The following NALF1 variants were observed in gnomAD, a reference collection of about 807,000 sequenced individuals.
The protein encoded by NALF1 is family with sequence similarity 155 member A.
In NALF1, 3 loss-of-function variants were observed where a neutral mutation model predicts 48.4. The ratio of observed to expected loss-of-function variants is 0.06; its 90% CI spans 0.03 to 0.16. The LOEUF (loss-of-function observed/expected upper bound fraction) is 0.16. Ranked by LOEUF, NALF1 falls within the 10% of genes least tolerant of loss-of-function variation. The pLI is 1.00. For synonymous variants in NALF1, 262 were observed against 245.7 expected (o/e 1.07, Z -0.62); for missense variants, 526 against 571.5 (o/e 0.92, Z 0.81).
At chr13:107,779,834 T>C (rs547720706) in intron 1 of NALF1, among the ~76,000 whole-genome samples, 1 of 152,320 alleles carries the variant, frequency 6.6e-6, no homozygotes, top group Non-Finnish European at 1.5e-5. Flanking sequence ...ATTGAATAGA[T>C]ACAAACAACT....
intron 1 of NALF1, among the ~76,000 whole-genome samples, chr13:107,238,696 G>A (rs1356073693): frequency 6.6e-6 from 1 of 152,182 alleles, no homozygotes; most frequent in East Asian, 1.9e-4. Context: ...AAAGTCACAG[G>A]AAAATGTGCT....
chr13:107,749,869 G>C (rs1419510691), intron 1 of NALF1, among the ~76,000 whole-genome samples: 1 of 151,956 alleles, frequency 6.6e-6, no homozygotes, highest in Admixed American at 6.6e-5. Flanking sequence ...TCCCAGGCTG[G>C]AATGCAGTGG....
chr13:107,586,122 A>G (rs1252920804), intron 1 of NALF1, among the ~76,000 whole-genome samples: 1 of 152,094 alleles, frequency 6.6e-6, no homozygotes, highest in Non-Finnish European at 1.5e-5. Context: ...AATGGAAAGA[A>G]AGGGAATTCA....
chr13:107,233,715 A>G (rs1880277638), intron 1 of NALF1, among the ~76,000 whole-genome samples: 1 of 152,252 alleles, frequency 6.6e-6, no homozygotes, highest in African/African-American at 2.4e-5. Flanking sequence ...CAGGAAGAGC[A>G]GAGCAACAAT....
At chr13:107,756,790 G>T (rs537378741) in intron 1 of NALF1, among the ~76,000 whole-genome samples, 4 of 152,024 alleles carry the variant, frequency 2.6e-5, no homozygotes, top group Non-Finnish European at 5.9e-5. Flanking sequence ...CAGGACCTAC[G>T]CTCTCCCTTT....
intron 1 of NALF1, among the ~76,000 whole-genome samples, chr13:107,692,331 C>T (rs970779790): frequency 6.6e-6 from 1 of 151,830 alleles, no homozygotes; most frequent in Non-Finnish European, 1.5e-5. Context: ...AATAGAATGG[C>T]AAGTTTTTGA....
In NALF1 at chr13:107,167,122, AAAG is replaced by A. The variant is rs1878676302; in HGVS notation, c.*3372_*3374del. The A allele has an allele frequency of 6.6e-6, 1 of 152,236 alleles. No individual in the cohort carries two copies. The highest frequency in any genetic ancestry group is 1.5e-5 in the Non-Finnish European group (1 of 68,040). 9.4% of individuals were successfully genotyped at this position (152,236 alleles called of 1,614,324 possible). A position where few individuals can be genotyped will look rare whatever the true frequency, so the allele number is the denominator to read the frequency against. On this transcript the variant is annotated 3_prime_UTR_variant, in exon 3 of 3. Coordinates refer to ENST00000375915, the MANE Select transcript of NALF1 (RefSeq NM_001080396.3). ...ACTGAAATTTCTCTATTGCAGATAAAAAGAATAATAAACAGGGAAATCTATGCC... is the reference window on the plus strand; with the variant it reads ...ACTGAAATTTCTCTATTGCAGATAAAAATAATAAACAGGGAAATCTATGCC...
intron 1 of NALF1, among the ~76,000 whole-genome samples, chr13:107,252,850 G>A (rs1463709301): frequency 2.6e-5 from 4 of 152,162 alleles, no homozygotes; most frequent in Non-Finnish European, 5.9e-5. Context: ...GCAGTTAAAA[G>A]CACAAAGACA....
intron 1 of NALF1, among the ~76,000 whole-genome samples, chr13:107,680,947 C>CTGTG (rs199937780): frequency 2.0e-4 from 13 of 64,898 alleles, no homozygotes; most frequent in African/African-American, 4.0e-4. Context: ...ATGAGTGTAA[C>CTGTG]AGTGTGTGTG....
intron 1 of NALF1, among the ~76,000 whole-genome samples, chr13:107,811,703 TG>T (rs1317433037): frequency 6.6e-6 from 1 of 152,198 alleles, no homozygotes; most frequent in African/African-American, 2.4e-5. Context: ...ATTTGGCTCA[TG>T]GTTCTGAAAG....
In NALF1 at chr13:107,389,020, G is replaced by A. The variant is rs1883576610; in HGVS notation, c.916-178265C>T. 2.0e-5 allele frequency among the ~76,000 whole-genome samples: 3 copies of A among 152,158 alleles called. No homozygotes were observed. The South Asian group carries it at 6.2e-4, about 32-fold the overall frequency. ...AGAATGCAATTCTCAGGCTTCAGGG[G>A]ATAAAATAGTCGCCGCACTGAGACA... On this transcript the variant is annotated intron_variant, in intron 1 of 2. Transcript: ENST00000375915.
At chr13:107,316,261 T>A (rs989631516) in intron 1 of NALF1, among the ~76,000 whole-genome samples, 20 of 152,298 alleles carry the variant, frequency 1.3e-4, no homozygotes, top group African/African-American at 4.8e-4. Flanking sequence ...TATTCCATGG[T>A]GTATATGTGC....
intron 1 of NALF1, among the ~76,000 whole-genome samples, chr13:107,735,244 A>T (rs1876432301): frequency 6.6e-6 from 1 of 152,214 alleles, no homozygotes; most frequent in Non-Finnish European, 1.5e-5. Context: ...TACTCCACAT[A>T]TGACAACTAA....
At chr13:107,624,405 C>A (rs575227121) in intron 1 of NALF1, among the ~76,000 whole-genome samples, 1 of 152,082 alleles carries the variant, frequency 6.6e-6, no homozygotes, top group East Asian at 1.9e-4. Context: ...TATTAAAGTT[C>A]TCATAAAAAT....
In NALF1 at chr13:107,168,012, T is replaced by C. The variant is rs2138759001; in HGVS notation, c.*2485A>G. 6.6e-6 allele frequency: 1 copy of C among 152,350 alleles called. No individual in the cohort carries two copies. The allele number at this position is 152,350 out of a possible 1,614,324, so 9.4% of individuals were successfully genotyped here. A position where few individuals can be genotyped will look rare whatever the true frequency, so the allele number is the denominator to read the frequency against. On this transcript the variant is annotated 3_prime_UTR_variant, in exon 3 of 3. Coordinates refer to ENST00000375915, the MANE Select transcript of NALF1 (RefSeq NM_001080396.3). Reference sequence around the variant, plus strand: ...AAAGAATAATTTATTGTCATACCAATAAAAGTGAGTGGAATTTGCACTTGC... The same window carrying C: ...AAAGAATAATTTATTGTCATACCAACAAAAGTGAGTGGAATTTGCACTTGC...
At chr13:107,328,811 G>A (rs750853815) in intron 1 of NALF1, among the ~76,000 whole-genome samples, 1 of 152,208 alleles carries the variant, frequency 6.6e-6, no homozygotes, top group Non-Finnish European at 1.5e-5. Context: ...CAACCACAGA[G>A]TGGTGGCCAA....
chr13:107,205,506 C>G (rs4616151), intron 2 of NALF1, among the ~76,000 whole-genome samples: 3 of 151,840 alleles, frequency 2.0e-5, no homozygotes, highest in Non-Finnish European at 4.4e-5. Context: ...CCAGGGGGCG[C>G]CCATCTCCCA....
intron 1 of NALF1, among the ~76,000 whole-genome samples, chr13:107,831,333 A>C (rs952867212): frequency 1.2e-4 from 18 of 152,184 alleles, no homozygotes; most frequent in African/African-American, 4.1e-4. Context: ...AATAAGATTA[A>C]AACTCTTAAA....
At chr13:107,643,598 C>A (rs1035475832) in intron 1 of NALF1, among the ~76,000 whole-genome samples, 4 of 149,542 alleles carry the variant, frequency 2.7e-5, no homozygotes, top group Non-Finnish European at 5.9e-5. Context: ...TTATTTGGAT[C>A]AAAGGGAACA....
Sources: gnomAD v4.1 joint callset for allele counts (sites outside exome capture counted in the v4.1 genomes callset) on GRCh38, gnomAD v4.1.1 for gene constraint, MANE v1.5 for transcripts, NCBI Gene and HGNC (gene_info 2026-07-23, HGNC 2026-07-21) for gene names.